Variants in RBFOX1 observed in about 807,000 individuals in gnomAD.
The protein encoded by RBFOX1 is RNA binding fox-1 homolog 1.
In RBFOX1, 8 loss-of-function variants were observed where a neutral mutation model predicts 57.7. The ratio of observed to expected loss-of-function variants is 0.14; its 90% CI spans 0.08 to 0.25. The LOEUF is 0.25. Among genes scored for constraint, RBFOX1 ranks in the 10% least tolerant of loss-of-function variants. RBFOX1 has a pLI of 1.00. For missense variants in RBFOX1, 611 were observed against 548.5 expected (o/e 1.11, Z -1.14); for synonymous variants, 326 against 222.4 (o/e 1.47, Z -4.15).
At chr16:7,675,754 T>C (rs1001635227) in intron 13 of RBFOX1, among the ~76,000 whole-genome samples, 20 of 152,170 alleles carry the variant, frequency 1.3e-4, no homozygotes, top group African/African-American at 4.8e-4. Flanking sequence ...TTGTCCTGAG[T>C]TGCCCCTTTA....
At chr16:6,816,055 C>G (rs1412881210) in intron 3 of RBFOX1, among the ~76,000 whole-genome samples, 2 of 152,266 alleles carry the variant, frequency 1.3e-5, no homozygotes, top group East Asian at 3.9e-4. Context: ...TCATGCGTGT[C>G]CCAGCACTTT....
intron 2 of RBFOX1, among the ~76,000 whole-genome samples, chr16:6,324,919 A>AT (rs551886199): frequency 3.7e-4 from 56 of 152,282 alleles, no homozygotes; most frequent in African/African-American, 1.3e-3. Context: ...AAATTAGCCC[A>AT]TTTTCTCTTG....
intron 1 of RBFOX1, among the ~76,000 whole-genome samples, chr16:6,076,153 C>T (rs906114375): frequency 2.6e-5 from 4 of 151,964 alleles, no homozygotes; most frequent in African/African-American, 7.3e-5. Context: ...ACAAAATTAG[C>T]CAGGTGTGGT....
At chr16:5,658,041 A>G (rs1195034146) in intron 3 of RBFOX1, among the ~76,000 whole-genome samples, 1 of 152,098 alleles carries the variant, frequency 6.6e-6, no homozygotes, top group Non-Finnish European at 1.5e-5. Flanking sequence ...TAAGGTCTGC[A>G]AATTCTTGAT....
At chr16:7,063,732 C>G (rs2055198196) in intron 4 of RBFOX1, among the ~76,000 whole-genome samples, 2 of 152,212 alleles carry the variant, frequency 1.3e-5, no homozygotes, top group Admixed American at 6.5e-5. Flanking sequence ...ACACCTGGGT[C>G]TGCACGGAAC....
intron 2 of RBFOX1, among the ~76,000 whole-genome samples, chr16:6,625,204 G>T (rs1218439966): frequency 4.7e-5 from 7 of 148,618 alleles, no homozygotes; most frequent in African/African-American, 1.5e-4. Context: ...GGTGGATAGT[G>T]GGGGAGTGGC....
At position 6,326,498 on chromosome 16, in the gene RBFOX1, C is replaced by T. The variant is rs911871607; in HGVS notation, c.-64+9441C>T. Among the ~76,000 whole-genome samples, 15 of 152,162 alleles carry T rather than the reference C, an allele frequency of 9.9e-5. No individual in the cohort carries two copies. In the East Asian group the frequency reaches 2.9e-3, roughly 30 times the overall value. ...CAAGTACTTTCTTCTCTTTCTTTGT[C>T]CCAGCCCAGGTTTTCTCCTTTCTAA... On this transcript the variant is annotated intron_variant, in intron 2 of 15. Transcript: ENST00000550418.
At chr16:6,961,145 C>CACACACACACACACACACACA (rs142889433) in intron 3 of RBFOX1, among the ~76,000 whole-genome samples, 12,393 of 143,472 alleles carry the variant, frequency 0.086, 827 homozygotes, top group East Asian at 0.2. Flanking sequence ...TCACACACAC[C>CACACACACACACACACACACA]CACACAGACA....
intron 1 of RBFOX1, among the ~76,000 whole-genome samples, chr16:6,256,263 ATATATATG>A (rs1400158301): frequency 8.7e-5 from 10 of 115,344 alleles, no homozygotes; most frequent in African/African-American, 3.6e-4. Context: ...ATATGTGTAT[ATATATATG>A]TATATATATA....
intron 4 of RBFOX1, among the ~76,000 whole-genome samples, chr16:5,893,180 C>T (rs920629601): frequency 6.6e-6 from 1 of 152,166 alleles, no homozygotes; most frequent in African/African-American, 2.4e-5. Context: ...AGCTGATGCT[C>T]CAGAAGTATG....
intron 3 of RBFOX1, among the ~76,000 whole-genome samples, chr16:6,700,483 C>A (rs1467279918): frequency 6.6e-6 from 1 of 151,896 alleles, no homozygotes; most frequent in African/African-American, 2.4e-5. Flanking sequence ...CATGGTGAAA[C>A]CCTGTCTCTA....
At chr16:6,755,943 G>A (rs749094000) in intron 3 of RBFOX1, among the ~76,000 whole-genome samples, 35 of 152,242 alleles carry the variant, frequency 2.3e-4, no homozygotes, top group Middle Eastern at 3.4e-3. Context: ...TGTTAAGACC[G>A]AAAGGGACCA....
At chr16:6,795,396 C>G (rs188072179) in intron 3 of RBFOX1, among the ~76,000 whole-genome samples, 1 of 152,104 alleles carries the variant, frequency 6.6e-6, no homozygotes, top group Non-Finnish European at 1.5e-5. Context: ...AAAATCAGCT[C>G]TGGGGAGTTT....
At chr16:6,024,988 A>G (rs1249752753) in intron 1 of RBFOX1, among the ~76,000 whole-genome samples, 1 of 152,216 alleles carries the variant, frequency 6.6e-6, no homozygotes, top group African/African-American at 2.4e-5. Flanking sequence ...AGGCTGGAAT[A>G]GTGACAAAAT....
At chr16:7,618,167 T>C (rs2058758771) in intron 10 of RBFOX1, among the ~76,000 whole-genome samples, 1 of 152,150 alleles carries the variant, frequency 6.6e-6, no homozygotes, top group Non-Finnish European at 1.5e-5. Flanking sequence ...TTTTACATAA[T>C]GAAATCTGAA....
intron 3 of RBFOX1, among the ~76,000 whole-genome samples, chr16:6,689,926 C>T (rs930274921): frequency 1.3e-5 from 2 of 152,162 alleles, no homozygotes; most frequent in Non-Finnish European, 2.9e-5. Context: ...AATTGAGAAT[C>T]AGCAACGAAG....
chr16:7,151,985 G>A (rs1325736131), intron 4 of RBFOX1, among the ~76,000 whole-genome samples: 1 of 152,136 alleles, frequency 6.6e-6, no homozygotes, highest in Non-Finnish European at 1.5e-5. Context: ...CTGCTGTGTG[G>A]CCTGGTTTCT....
At position 6,629,972 on chromosome 16, in the gene RBFOX1, T is replaced by TAA. The variant is rs201365180; in HGVS notation, c.-63-24631_-63-24630insAA. Among the ~76,000 whole-genome samples, 166 of 75,880 alleles carry TAA rather than the reference T, an allele frequency of 2.2e-3. 1 individual carries two copies. The highest frequency in any genetic ancestry group is 7.5e-3 in the African/African-American group (150 of 19,954). The allele number at this position is 75,880 out of a possible 152,430, so 49.8% of individuals were successfully genotyped here. A position where few individuals can be genotyped will look rare whatever the true frequency, so the allele number is the denominator to read the frequency against. ...TTATTTCGGTAGGTTTTTTTTTTTTTTAAAAAAAAAAAAGACCATTGCTTT... is the reference window on the plus strand; with the variant it reads ...TTATTTCGGTAGGTTTTTTTTTTTTTAATAAAAAAAAAAAAGACCATTGCTTT... On this transcript the variant is annotated intron_variant, in intron 2 of 15. Transcript: ENST00000550418.
chr16:7,071,485 T>C (rs1232185405), intron 4 of RBFOX1, among the ~76,000 whole-genome samples: 3 of 151,956 alleles, frequency 2.0e-5, no homozygotes, highest in African/African-American at 7.3e-5. Context: ...ATTTTATGTA[T>C]CTGCTAATTC....
Sources: allele counts gnomAD v4.1 joint callset (sites outside exome capture counted in the v4.1 genomes callset), GRCh38; gene constraint gnomAD v4.1.1; transcripts MANE v1.5; gene names NCBI Gene and HGNC (gene_info 2026-07-23, HGNC 2026-07-21).